The following NAV2 variants were observed in gnomAD, a reference collection of about 807,000 sequenced individuals.
NAV2 encodes the protein neuron navigator 2.
Under a neutral mutation model 223.2 loss-of-function variants are expected in NAV2, and 54 were observed. The ratio of observed to expected loss-of-function variants is 0.24; its 90% CI spans 0.19 to 0.30. The LOEUF is 0.30. Ranked by LOEUF, NAV2 falls within the 10% of genes least tolerant of loss-of-function variation. The probability of loss-of-function intolerance (pLI) is 1.00; values close to 1 mark genes in which losing one functional copy is unlikely to be tolerated. For synonymous variants in NAV2, 1,279 were observed against 1,239.3 expected, an observed-to-expected ratio of 1.03 and a Z score of -0.67; for missense variants, 2,806 against 3,147.5, an observed-to-expected ratio of 0.89 and a Z score of 2.60.
chr11:19,768,992 A>T (rs775473041), intron 1 of NAV2, among the ~76,000 whole-genome samples: 1 of 152,180 alleles, frequency 6.6e-6, no homozygotes. Context: ...TGAACCTCTC[A>T]TTAGGCAGCT....
chr11:20,046,394 C>A (rs568377301), intron 14 of NAV2, among the ~76,000 whole-genome samples: 4 of 152,020 alleles, frequency 2.6e-5, no homozygotes, highest in African/African-American at 7.2e-5. Context: ...CTTGATACAC[C>A]CTTGGACCTA....
intron 1 of NAV2, among the ~76,000 whole-genome samples, chr11:19,735,862 A>C (rs1050437707): frequency 3.3e-5 from 5 of 152,162 alleles, no homozygotes; most frequent in African/African-American, 1.2e-4. Context: ...TGGGAAGAAC[A>C]AATGGAGGTT....
At position 19,891,130 on chromosome 11, in the gene NAV2, G is replaced by T. The variant is rs1020710341; in HGVS notation, c.771-1304G>T. Among the ~76,000 whole-genome samples the T allele has an allele frequency of 4.6e-5, 7 of 152,106 alleles. No homozygotes were observed. The South Asian group carries it at 1.5e-3, about 32-fold the overall frequency. On this transcript the variant is annotated intron_variant, in intron 5 of 37. Coordinates refer to ENST00000349880, the MANE Select transcript of NAV2 (RefSeq NM_145117.5). ...CCAACAAGAAAAGTTTAAAGTGATT[G>T]CCTGCTTATATCTAAAATGCTTCCA...
chr11:19,847,839 TCTC>T (rs1244509784), intron 3 of NAV2, among the ~76,000 whole-genome samples: 2 of 152,236 alleles, frequency 1.3e-5, no homozygotes, highest in Non-Finnish European at 2.9e-5. Context: ...TTATCCCTAT[TCTC>T]CTGGCATATA....
intron 1 of NAV2, among the ~76,000 whole-genome samples, chr11:19,441,271 T>A (rs1026913881): frequency 6.6e-6 from 1 of 152,160 alleles, no homozygotes; most frequent in Non-Finnish European, 1.5e-5. Context: ...CTGGAGGAGA[T>A]TCCCCTACAA....
intron 1 of NAV2, among the ~76,000 whole-genome samples, chr11:19,604,672 C>G (rs1288163004): frequency 6.6e-6 from 1 of 152,138 alleles, no homozygotes; most frequent in African/African-American, 2.4e-5. Flanking sequence ...CTCTATTTTA[C>G]AGGTGAAGAA....
Position 19,393,840 on chromosome 11 carries a change from C to A in NAV2, c.75+42813C>A, listed in dbSNP as rs374910721. Among the ~76,000 whole-genome samples the A allele has an allele frequency of 3.8e-3, 580 of 150,812 alleles. 9 individuals carry two copies. Among genetic ancestry groups the A allele is most frequent in the Middle Eastern group, 0.014 (4 of 288 alleles). On this transcript the variant is annotated intron_variant, in intron 1 of 37. Coordinates refer to the NAV2 transcript ENST00000360655. ...AATTTGAAATGTACTGGCTGCAGAG[C>A]CTTTTGGCTCCATATTATTACTTCT...
At position 19,940,713 on chromosome 11, in the gene NAV2, C is replaced by T. The variant is rs111908994; in HGVS notation, c.2146+940C>T. Among the ~76,000 whole-genome samples the T allele has an allele frequency of 2.6e-3, 400 of 152,338 alleles. 2 individuals are homozygous for T. The highest frequency in any genetic ancestry group is 4.0e-3 in the Non-Finnish European group (271 of 68,032). On this transcript the variant is annotated intron_variant, in intron 8 of 37. Transcript: ENST00000349880. ...ATTGGTCTGCAGCCCAGTGATTGAA[C>T]CTTACCCATCTAGCAATTAGCCCCA...
intron 1 of NAV2, among the ~76,000 whole-genome samples, chr11:19,774,931 T>C (rs910005512): frequency 6.6e-6 from 1 of 152,174 alleles, no homozygotes; most frequent in African/African-American, 2.4e-5. Flanking sequence ...TGCAGATGTA[T>C]AGATCGTAAA....
chr11:19,452,916 T>C (rs1472314394), intron 1 of NAV2, among the ~76,000 whole-genome samples: 2 of 152,248 alleles, frequency 1.3e-5, no homozygotes, highest in African/African-American at 2.4e-5. Flanking sequence ...GGTTACTATA[T>C]GTAAAAGCTT....
chr11:19,378,648 A>G (rs546716426), intron 1 of NAV2, among the ~76,000 whole-genome samples: 1 of 149,780 alleles, frequency 6.7e-6, no homozygotes, highest in Admixed American at 6.6e-5. Context: ...CACGGAGGAG[A>G]TGCTCCCTGT....
At chr11:20,039,542 G>A (rs571458296) in intron 12 of NAV2, among the ~76,000 whole-genome samples, 2 of 152,136 alleles carry the variant, frequency 1.3e-5, no homozygotes, top group South Asian at 2.1e-4. Context: ...GGTTGACTAC[G>A]TTCTTAATAT....
In NAV2 at chr11:19,993,137, T is replaced by C. The variant is rs2048239763; in HGVS notation, c.2768+8890T>C. Among the ~76,000 whole-genome samples the C allele has an allele frequency of 2.0e-5, 3 of 152,330 alleles. No homozygotes were observed. In the South Asian group the frequency reaches 6.2e-4, roughly 32 times the overall value. Reference sequence around the variant, plus strand: ...TCTGTGCCCTGCAATAGAAAATAACTTCATGTGTTTTAATCTGGGTACCTG... The same window carrying C: ...TCTGTGCCCTGCAATAGAAAATAACCTCATGTGTTTTAATCTGGGTACCTG... On this transcript the variant is annotated intron_variant, in intron 11 of 37. Transcript: ENST00000349880.
At chr11:20,068,021 T>A (rs1203150440) in intron 20 of NAV2, among the ~76,000 whole-genome samples, 165 bp from the exon 21 acceptor site, 2 of 152,200 alleles carry the variant, frequency 1.3e-5, no homozygotes, top group African/African-American at 4.8e-5. Context: ...GCCTTTCTGA[T>A]GGGTCAATTT....
At chr11:19,533,792 C>T (rs1232926684) in intron 1 of NAV2, among the ~76,000 whole-genome samples, 1 of 131,590 alleles carries the variant, frequency 7.6e-6, no homozygotes, top group African/African-American at 4.3e-5. Flanking sequence ...CTGCAAGCTC[C>T]GCCTCCCGGG....
intron 1 of NAV2, among the ~76,000 whole-genome samples, chr11:19,463,380 C>T (rs773753768): frequency 6.6e-6 from 1 of 152,210 alleles, no homozygotes; most frequent in Non-Finnish European, 1.5e-5. Flanking sequence ...CCACTCTAAT[C>T]CCATGCCTGT....
intron 1 of NAV2, among the ~76,000 whole-genome samples, chr11:19,425,830 G>C (rs1850804830): frequency 6.6e-6 from 1 of 152,068 alleles, no homozygotes; most frequent in Non-Finnish European, 1.5e-5. Flanking sequence ...AAGGATCCCA[G>C]GCCTGTAATT....
chr11:20,095,504 T>C (rs892545428), intron 29 of NAV2, among the ~76,000 whole-genome samples, 168 bp from the exon 30 acceptor site: 9 of 152,174 alleles, frequency 5.9e-5, no homozygotes, highest in African/African-American at 2.2e-4. Flanking sequence ...CAGGGAAAGG[T>C]ATTAAGACTA....
At chr11:19,904,087 G>T (rs1056566750) in intron 6 of NAV2, among the ~76,000 whole-genome samples, 1 of 152,172 alleles carries the variant, frequency 6.6e-6, no homozygotes, top group South Asian at 2.1e-4. Context: ...GGCACTAGTT[G>T]ATTTTTGCTG....
Sources: allele counts gnomAD v4.1 joint callset (sites outside exome capture counted in the v4.1 genomes callset), GRCh38; gene constraint gnomAD v4.1.1; transcripts MANE v1.5; gene names NCBI Gene and HGNC (gene_info 2026-07-23, HGNC 2026-07-21).